LHCGR: variants seen among roughly 807,000 people sequenced by gnomAD.
The protein encoded by LHCGR is luteinizing hormone/choriogonadotropin receptor, also known as lutropin-choriogonadotropic hormone receptor.
In LHCGR, 55 loss-of-function variants were observed where a neutral mutation model predicts 60.7. The ratio of observed to expected loss-of-function variants is 0.91; its 90% CI spans 0.73 to 1.13. The LOEUF (loss-of-function observed/expected upper bound fraction) is 1.13, where lower values mean the gene tolerates loss of function less well. LHCGR is among the 50% of genes most tolerant of loss of function. The pLI, the probability that LHCGR is intolerant of heterozygous loss-of-function variation, is 0.00. For synonymous variants in LHCGR, 337 were observed against 316.5 expected (o/e 1.06, Z -0.69); for missense variants, 862 against 836.0 (o/e 1.03, Z -0.38).
intron 8 of LHCGR, 31 bp from the exon 9 acceptor site, chr2:48,698,831 T>A (rs886436389): frequency 7.2e-6 from 11 of 1,528,508 alleles, no homozygotes; most frequent in African/African-American, 1.6e-5. Flanking sequence ...ATGCTTTTTA[T>A]TTATTTATTT....
chr2:48,691,130 T>C (rs1290528604), intron 10 of LHCGR, among the ~76,000 whole-genome samples: 1 of 152,232 alleles, frequency 6.6e-6, no homozygotes, highest in Non-Finnish European at 1.5e-5. Flanking sequence ...GTATTTATAA[T>C]ACATTTTTGT....
intron 10 of LHCGR, among the ~76,000 whole-genome samples, chr2:48,690,594 A>G (rs1264747179): frequency 6.6e-6 from 1 of 152,186 alleles, no homozygotes; most frequent in Non-Finnish European, 1.5e-5. Flanking sequence ...TCTCTGAATA[A>G]GTTCTACTGT....
intron 7 of LHCGR, among the ~76,000 whole-genome samples, chr2:48,710,764 G>T (rs1484147373): frequency 6.6e-6 from 1 of 152,212 alleles, no homozygotes; most frequent in African/African-American, 2.4e-5. Context: ...GCCTTAGTAA[G>T]TCAGGTGTTT....
At chr2:48,728,399 C>G (rs1012989674) in intron 3 of LHCGR, among the ~76,000 whole-genome samples, 1 of 152,134 alleles carries the variant, frequency 6.6e-6, no homozygotes, top group African/African-American at 2.4e-5. Context: ...TTTTGAAACT[C>G]CAAAGTAGGT....
Position 48,698,800 on chromosome 2 carries a change from C to T in LHCGR, c.681G>A (p.Leu227=). 2 of 1,612,204 alleles carry T rather than the reference C, an allele frequency of 1.2e-6. No homozygotes were observed. The highest frequency in any genetic ancestry group is 1.7e-6 in the Non-Finnish European group (2 of 1,178,366). The stretch of plus-strand genomic sequence containing the variant: ...CCTGCAATTTGGTGGAAGAAATATC[C>T]CTGAACAATAAAGGGGAGAAATGCT... The part of the protein sequence containing the change: ...AFRGATGPKT[L]DISSTKLQAL... The change falls in exon 9 of 11, where the codon TTG becomes TTA. Residue 227 remains leucine (L), a splice_region_variant and synonymous_variant. Transcript: ENST00000294954.
intron 2 of LHCGR, among the ~76,000 whole-genome samples, chr2:48,730,299 AG>A (rs1390108601): frequency 5.9e-5 from 9 of 152,216 alleles, no homozygotes; most frequent in African/African-American, 1.9e-4. Flanking sequence ...AATGCATTAA[AG>A]GTTATCAAAA....
chr2:48,721,232 A>T (rs1402386040), intron 6 of LHCGR: 1 of 157,528 alleles, frequency 6.3e-6, no homozygotes, highest in Non-Finnish European at 1.4e-5. Context: ...ATGTGATATC[A>T]CCTCATTCGG....
chr2:48,704,147 A>G (rs1297373508), intron 8 of LHCGR, among the ~76,000 whole-genome samples: 1 of 152,058 alleles, frequency 6.6e-6, no homozygotes, highest in Non-Finnish European at 1.5e-5. Flanking sequence ...TGAGATAATC[A>G]TGTGTTTTTT....
intron 2 of LHCGR, among the ~76,000 whole-genome samples, chr2:48,729,949 G>T (rs779324398): frequency 3.3e-5 from 5 of 152,018 alleles, no homozygotes; most frequent in Non-Finnish European, 5.9e-5. Context: ...TGAATTTTTT[G>T]AAAACAATAC....
At chr2:48,725,820 TGG>T in intron 3 of LHCGR, 70 bp from the exon 4 acceptor site, 1 of 1,268,844 alleles carries the variant, frequency 7.9e-7, no homozygotes, top group African/African-American at 1.5e-5. Flanking sequence ...TGTGAGATCA[TGG>T]TCACCAGAAG....
chr2:48,741,342 G>A (rs1669442399), intron 1 of LHCGR, among the ~76,000 whole-genome samples: 1 of 152,110 alleles, frequency 6.6e-6, no homozygotes, highest in Non-Finnish European at 1.5e-5. Flanking sequence ...TACAGAGAAT[G>A]CCACAAAGAT....
chr2:48,703,943 A>G (rs1408109906), intron 8 of LHCGR, among the ~76,000 whole-genome samples: 1 of 152,066 alleles, frequency 6.6e-6, no homozygotes, highest in Non-Finnish European at 1.5e-5. Context: ...GAGTGGTGAG[A>G]GAGGGCATCC....
chr2:48,745,597 CA>C (rs1433031515), intron 1 of LHCGR, among the ~76,000 whole-genome samples: 1 of 148,650 alleles, frequency 6.7e-6, no homozygotes, highest in Non-Finnish European at 1.5e-5. Context: ...ATCGCAAGAA[CA>C]AAAAACCAAA....
intron 1 of LHCGR, among the ~76,000 whole-genome samples, chr2:48,735,765 G>A: frequency 6.6e-6 from 1 of 152,120 alleles, no homozygotes; most frequent in East Asian, 1.9e-4. Context: ...GAAAGAGTGG[G>A]TGGCTGAAGC....
intron 2 of LHCGR, among the ~76,000 whole-genome samples, 164 bp downstream of exon 2, chr2:48,731,063 C>T (rs1668963721): frequency 1.3e-5 from 2 of 152,062 alleles, no homozygotes; most frequent in African/African-American, 4.8e-5. Flanking sequence ...ACCTTTTCTT[C>T]AAAGGTCTCT....
At chr2:48,712,367 T>A (rs1179688048) in intron 7 of LHCGR, among the ~76,000 whole-genome samples, 2 of 152,150 alleles carry the variant, frequency 1.3e-5, no homozygotes, top group African/African-American at 4.8e-5. Context: ...ACACAGCTGA[T>A]GCTTGGTAAA....
At chr2:48,722,861 G>A (rs1399857632) in intron 6 of LHCGR, among the ~76,000 whole-genome samples, 1 of 152,198 alleles carries the variant, frequency 6.6e-6, no homozygotes, top group African/African-American at 2.4e-5. Context: ...TTTGAATAGT[G>A]AGGCCTTAGG....
At chr2:48,708,097 G>A (rs1206253595) in intron 8 of LHCGR, among the ~76,000 whole-genome samples, 4 of 152,280 alleles carry the variant, frequency 2.6e-5, no homozygotes, top group Non-Finnish European at 2.9e-5. Context: ...GAAATCACCC[G>A]TCTTCTGCAT....
chr2:48,754,832 C>G (rs952158477), intron 1 of LHCGR, among the ~76,000 whole-genome samples: 2 of 152,192 alleles, frequency 1.3e-5, no homozygotes, highest in Non-Finnish European at 2.9e-5. Flanking sequence ...ACTCCAGAAA[C>G]AACGCCCTCC....
Sources: allele counts gnomAD v4.1 joint callset (sites outside exome capture counted in the v4.1 genomes callset), GRCh38; gene constraint gnomAD v4.1.1; transcripts MANE v1.5; gene names NCBI Gene and HGNC (gene_info 2026-07-23, HGNC 2026-07-21).